Variants in PIEZO2 observed in about 807,000 individuals in gnomAD.
PIEZO2 encodes the protein piezo-type mechanosensitive ion channel component 2.
A neutral mutation model predicts 337.3 loss-of-function variants in PIEZO2; 172 were observed. The ratio of observed to expected loss-of-function variants is 0.51; its 90% CI spans 0.45 to 0.58. PIEZO2 has a LOEUF of 0.58. Ranked by LOEUF, PIEZO2 falls within the 20% of genes least tolerant of loss-of-function variation. PIEZO2 has a pLI of 0.00. For synonymous variants in PIEZO2, 1,251 were observed against 1,228.5 expected, an observed-to-expected ratio of 1.02 and a Z score of -0.38; for missense variants, 3,028 against 3,391.3, an observed-to-expected ratio of 0.89 and a Z score of 2.66.
chr18:10,691,182 A>G (rs757637661), intron 48 of PIEZO2, 43 bp downstream of exon 48: 6 of 1,584,402 alleles, frequency 3.8e-6, no homozygotes, highest in Non-Finnish European at 5.2e-6. Context: ...TTCCACCGCT[A>G]TTCTTCCCCC....
chr18:11,139,076 A>G (rs1281604191), intron 1 of PIEZO2, among the ~76,000 whole-genome samples: 1 of 152,230 alleles, frequency 6.6e-6, no homozygotes, highest in African/African-American at 2.4e-5. Flanking sequence ...AGCTATTCAT[A>G]AAAGCAACTA....
chr18:10,916,723 G>A (rs971626842), intron 3 of PIEZO2, among the ~76,000 whole-genome samples: 7 of 152,238 alleles, frequency 4.6e-5, no homozygotes, highest in South Asian at 2.1e-4. Context: ...CCAGAGACGC[G>A]CTCCCATAGT....
intron 1 of PIEZO2, among the ~76,000 whole-genome samples, chr18:11,108,721 G>A (rs560301216): frequency 1.7e-4 from 26 of 151,860 alleles, no homozygotes; most frequent in Non-Finnish European, 3.2e-4. Context: ...CCCACTGTGT[G>A]GTGGGTCTGG....
At chr18:11,046,671 T>C (rs1002721730) in intron 2 of PIEZO2, among the ~76,000 whole-genome samples, 1 of 152,282 alleles carries the variant, frequency 6.6e-6, no homozygotes, top group Non-Finnish European at 1.5e-5. Context: ...CTTGTTCTCC[T>C]GAGGGCCTGG....
At position 10,955,115 on chromosome 18, in the gene PIEZO2, T is replaced by A. The variant is rs2145337806; in HGVS notation, c.286+24420A>T. Among the ~76,000 whole-genome samples, 2 of 152,314 alleles carry A rather than the reference T, an allele frequency of 1.3e-5. 1 individual carries two copies. The highest frequency in any genetic ancestry group is 4.1e-4 in the South Asian group (2 of 4,830). ...AGAGAGATGTGGGGGTCGCTTTACT[T>A]GAACAGCTCCAGGAGAACAAAAGTT... On this transcript the variant is annotated intron_variant, in intron 3 of 55. Coordinates refer to ENST00000674853, the MANE Select transcript of PIEZO2 (RefSeq NM_001378183.1).
chr18:11,011,034 GAA>G, intron 2 of PIEZO2, among the ~76,000 whole-genome samples: 1 of 152,194 alleles, frequency 6.6e-6, no homozygotes, highest in Non-Finnish European at 1.5e-5. Flanking sequence ...TACGTGGTGT[GAA>G]AACACAAAGA....
At position 11,129,207 on chromosome 18, in the gene PIEZO2, A is replaced by G. The variant is rs535797320; in HGVS notation, c.64+19318T>C. Among the ~76,000 whole-genome samples, 26 of 152,270 alleles carry G rather than the reference A, an allele frequency of 1.7e-4. 1 individual carries two copies. The South Asian group carries it at 5.4e-3, about 32-fold the overall frequency. ...ACCCTTGACCAATGCCTTGTGAAAC[A>G]GATTTGTGAGGGCAGCACCTGCATC... On this transcript the variant is annotated intron_variant, in intron 1 of 55. Transcript: ENST00000674853. The surrounding 1 kb of genome is among the most constrained non-coding windows in gnomAD (Gnocchi z 4.6).
chr18:10,867,502 G>A (rs991078849), intron 5 of PIEZO2, among the ~76,000 whole-genome samples: 1 of 152,188 alleles, frequency 6.6e-6, no homozygotes, highest in Non-Finnish European at 1.5e-5. Context: ...AGATGGGGAT[G>A]ACTTATAATA....
rs577131085 is a variant in PIEZO2, at chr18:11,131,310, A to G, written c.64+17215T>C. Among the ~76,000 whole-genome samples, 199 of 152,314 alleles carry G rather than the reference A, an allele frequency of 1.3e-3. 1 individual carries two copies. In the Middle Eastern group the frequency reaches 0.014, roughly 10 times the overall value. ...GGGCTCGAGCAGGTCCTGAGGGCAC[A>G]AGTAAGTTACATGAGGAAGTGGCTC... On this transcript the variant is annotated intron_variant, in intron 1 of 55. Transcript: ENST00000674853. The surrounding 1 kb of genome is among the most constrained non-coding windows in gnomAD (Gnocchi z 5.3).
chr18:10,919,321 A>C (rs2145125313), intron 3 of PIEZO2, among the ~76,000 whole-genome samples: 1 of 152,266 alleles, frequency 6.6e-6, no homozygotes, highest in South Asian at 2.1e-4. Flanking sequence ...ACTTCCCCGA[A>C]TAGAACTGAT....
In PIEZO2 at chr18:11,035,046, C is replaced by T. The variant is rs1354648711; in HGVS notation, c.160+31081G>A. ...CTGCAGAGCAAAGCAGAAGCAACCC[C>T]AGTTCCCAAATGCATGGCAAGCTCA... On this transcript the variant is annotated intron_variant, in intron 2 of 55. Coordinates refer to ENST00000674853, the MANE Select transcript of PIEZO2 (RefSeq NM_001378183.1). The surrounding 1 kb of genome is among the most constrained non-coding windows in gnomAD (Gnocchi z 4.3). Among the ~76,000 whole-genome samples, 1 of 152,180 alleles carries T rather than the reference C, an allele frequency of 6.6e-6. No homozygotes were observed. Among genetic ancestry groups the T allele is most frequent in the Non-Finnish European group, 1.5e-5 (1 of 68,028 alleles).
At chr18:11,123,781 A>G (rs1474377017) in intron 1 of PIEZO2, among the ~76,000 whole-genome samples, 1 of 151,380 alleles carries the variant, frequency 6.6e-6, no homozygotes, top group Admixed American at 6.6e-5. Flanking sequence ...TTGCACTGCA[A>G]CCTGGGCGAG....
chr18:10,948,253 T>C (rs1396958512), intron 3 of PIEZO2, among the ~76,000 whole-genome samples: 2 of 152,192 alleles, frequency 1.3e-5, no homozygotes, highest in East Asian at 3.8e-4. Flanking sequence ...ATTAAAATTA[T>C]TGTAACTATA....
At position 10,724,095 on chromosome 18, in the gene PIEZO2, G is replaced by C. The variant is rs193242731; in HGVS notation, c.5030-5836C>G. 1.3e-5 allele frequency among the ~76,000 whole-genome samples: 2 copies of C among 152,272 alleles called. No individual in the cohort carries two copies. The highest frequency in any genetic ancestry group is 4.8e-5 in the African/African-American group (2 of 41,564). Reference sequence around the variant, plus strand: ...CTGTACCACCTCCCAGATTAAGTGAGTGCTGAGCACAGAGATTAGAATCAT... The same window carrying C: ...CTGTACCACCTCCCAGATTAAGTGACTGCTGAGCACAGAGATTAGAATCAT... On this transcript the variant is annotated intron_variant, in intron 36 of 55. Coordinates refer to ENST00000674853, the MANE Select transcript of PIEZO2 (RefSeq NM_001378183.1). The surrounding 1 kb of genome is among the most constrained non-coding windows in gnomAD (Gnocchi z 5.8).
intron 2 of PIEZO2, among the ~76,000 whole-genome samples, chr18:11,025,942 C>A (rs1168091535): frequency 6.6e-6 from 1 of 152,112 alleles, no homozygotes; most frequent in Admixed American, 6.5e-5. Context: ...CAGCAAGCCC[C>A]AGGAATCACC....
intron 44 of PIEZO2, 149 bp from the exon 45 acceptor site, chr18:10,698,029 C>T: frequency 1.0e-5 from 1 of 99,862 alleles, no homozygotes; most frequent in Non-Finnish European, 1.4e-5. Context: ...GGGATTTGTC[C>T]TCAACTCTGC....
intron 5 of PIEZO2, among the ~76,000 whole-genome samples, 200 bp downstream of exon 5, chr18:10,871,053 A>G (rs917738891): frequency 3.3e-5 from 5 of 151,980 alleles, no homozygotes; most frequent in Non-Finnish European, 5.9e-5. Flanking sequence ...CTGTCTTCTC[A>G]TGGCTAAGGT....
intron 39 of PIEZO2, chr18:10,709,053 T>C (rs541008881): frequency 6.6e-6 from 1 of 152,128 alleles, no homozygotes; most frequent in Non-Finnish European, 1.5e-5. Context: ...TAATATGCAG[T>C]GGATATAAAC....
intron 7 of PIEZO2, among the ~76,000 whole-genome samples, chr18:10,829,661 A>G (rs1193631657): frequency 6.6e-6 from 1 of 152,198 alleles, no homozygotes; most frequent in Non-Finnish European, 1.5e-5. Flanking sequence ...GCCAACAGCA[A>G]ACAATGTGAA....
Sources: gnomAD v4.1 joint callset for allele counts (sites outside exome capture counted in the v4.1 genomes callset) on GRCh38, gnomAD v4.1.1 for gene constraint, Gnocchi (gnomAD v3.1) non-coding constraint, MANE v1.5 for transcripts, NCBI Gene and HGNC (gene_info 2026-07-23, HGNC 2026-07-21) for gene names.